Variants in RIT2 observed in about 807,000 individuals in gnomAD.
RIT2 encodes the protein GTP-binding protein Rit2.
A neutral mutation model predicts 23.7 loss-of-function variants in RIT2; 24 were observed. The observed-to-expected ratio is 1.01, with a 90% CI of 0.73 to 1.43. RIT2 has a LOEUF of 1.43. Ranked by LOEUF, RIT2 falls within the 40% of genes most tolerant of loss-of-function variation. The pLI, the probability that RIT2 is intolerant of heterozygous loss-of-function variation, is 0.00. For missense variants in RIT2, 236 were observed against 266.9 expected (o/e 0.88, Z 0.81); for synonymous variants, 107 against 91.1 (o/e 1.17, Z -0.99).
In RIT2 at chr18:42,834,052, C is replaced by T. The variant is rs376634259; in HGVS notation, c.426+89520G>A. Among the ~76,000 whole-genome samples the T allele has an allele frequency of 2.8e-4, 43 of 152,152 alleles. No individual in the cohort carries two copies. The South Asian group carries it at 6.8e-3, about 24-fold the overall frequency. On this transcript the variant is annotated intron_variant, in intron 4 of 4. Transcript: ENST00000326695. ...ACACAGAGGAGTTCAAACAAAGAGA[C>T]GTAAAATAACTTGCCCTCTCCCCAA... is the stretch of plus-strand genomic sequence containing the variant.
At position 42,847,010 on chromosome 18, in the gene RIT2, G is replaced by A. The variant is rs530178006; in HGVS notation, c.426+76562C>T. ...GTGCATTTATGTTTTGCACTTTGCTGTATGTCGGTTACATACGCCTCTTTC... is the reference window on the plus strand; with the variant it reads ...GTGCATTTATGTTTTGCACTTTGCTATATGTCGGTTACATACGCCTCTTTC... On this transcript the variant is annotated intron_variant, in intron 4 of 4. Transcript: ENST00000326695. Among the ~76,000 whole-genome samples the A allele has an allele frequency of 1.7e-4, 26 of 152,176 alleles. No homozygotes were observed. The South Asian group carries it at 5.2e-3, about 30-fold the overall frequency.
chr18:42,971,749 G>A (rs1299760766), intron 3 of RIT2, among the ~76,000 whole-genome samples: 2 of 151,914 alleles, frequency 1.3e-5, no homozygotes, highest in South Asian at 2.1e-4. Context: ...CTCAATCACT[G>A]AGGACAAAGG....
Position 42,888,774 on chromosome 18 carries a change from C to T in RIT2, c.426+34798G>A, listed in dbSNP as rs143090968. 2.7e-3 allele frequency among the ~76,000 whole-genome samples: 411 copies of T among 152,166 alleles called. 2 individuals are homozygous for T. Among genetic ancestry groups the T allele is most frequent in the African/African-American group, 9.0e-3 (374 of 41,520 alleles). The stretch of plus-strand genomic sequence containing the variant: ...GTCTATTGCACCAACATGAATGGAG[C>T]TGGAAGCCACAATCCTAAGTAAATT... On this transcript the variant is annotated intron_variant, in intron 4 of 4. Transcript: ENST00000326695.
intron 4 of RIT2, among the ~76,000 whole-genome samples, chr18:42,887,994 G>C (rs1363339485): frequency 1.3e-5 from 2 of 152,078 alleles, no homozygotes; most frequent in Non-Finnish European, 2.9e-5. Context: ...GTGGCTGCTG[G>C]AAGTTAGAGG....
chr18:43,069,195 T>A (rs1912843206), intron 1 of RIT2, among the ~76,000 whole-genome samples: 1 of 152,100 alleles, frequency 6.6e-6, no homozygotes, highest in African/African-American at 2.4e-5. Context: ...CTCCCTGTGA[T>A]TTTTTGTTGC....
chr18:43,038,462 T>C (rs1419351224), intron 1 of RIT2, among the ~76,000 whole-genome samples: 1 of 152,058 alleles, frequency 6.6e-6, no homozygotes, highest in East Asian at 1.9e-4. Flanking sequence ...ACATGTTAAT[T>C]CTCTTGATTG....
chr18:43,077,936 T>G (rs1355374812), intron 1 of RIT2, among the ~76,000 whole-genome samples: 1 of 152,196 alleles, frequency 6.6e-6, no homozygotes, highest in Non-Finnish European at 1.5e-5. Context: ...TGACTTCTCT[T>G]CCGCTAATTC....
chr18:43,034,788 T>C (rs1911938028), intron 1 of RIT2, among the ~76,000 whole-genome samples: 1 of 152,156 alleles, frequency 6.6e-6, no homozygotes, highest in Admixed American at 6.5e-5. Context: ...TCCCCTGATA[T>C]CTGATCCTCT....
intron 1 of RIT2, among the ~76,000 whole-genome samples, chr18:43,087,223 C>G (rs1176390788): frequency 6.6e-6 from 1 of 151,724 alleles, no homozygotes; most frequent in Non-Finnish European, 1.5e-5. Context: ...GCCTGGGCAA[C>G]AGAGCAAGAC....
intron 3 of RIT2, among the ~76,000 whole-genome samples, chr18:42,930,608 T>A (rs1363787211): frequency 6.6e-6 from 1 of 152,098 alleles, no homozygotes; most frequent in African/African-American, 2.4e-5. Flanking sequence ...ATCTGGTAGT[T>A]GTAATGACAG....
At chr18:42,747,584 C>A (rs1461646891) in intron 4 of RIT2, among the ~76,000 whole-genome samples, 2 of 151,898 alleles carry the variant, frequency 1.3e-5, no homozygotes, top group Non-Finnish European at 2.9e-5. Context: ...GAGCACATAG[C>A]CAAAGAAAGA....
chr18:42,854,701 T>G (rs2144041017), intron 4 of RIT2, among the ~76,000 whole-genome samples: 1 of 152,302 alleles, frequency 6.6e-6, no homozygotes, highest in Admixed American at 6.5e-5. Context: ...TTCTAGAAAA[T>G]ATTTGCTCCA....
At chr18:43,039,735 C>A (rs1912083947) in intron 1 of RIT2, among the ~76,000 whole-genome samples, 1 of 152,070 alleles carries the variant, frequency 6.6e-6, no homozygotes, top group Admixed American at 6.5e-5. Flanking sequence ...GGTACTTTGG[C>A]TCTGCGGAAG....
At chr18:42,862,814 C>T (rs1410378372) in intron 4 of RIT2, among the ~76,000 whole-genome samples, 1 of 152,158 alleles carries the variant, frequency 6.6e-6, no homozygotes, top group Non-Finnish European at 1.5e-5. Context: ...TTTTTCATTG[C>T]AATTCAACTC....
chr18:42,885,023 G>C (rs2144084803), intron 4 of RIT2, among the ~76,000 whole-genome samples: 1 of 152,260 alleles, frequency 6.6e-6, no homozygotes, highest in South Asian at 2.1e-4. Flanking sequence ...CTTGATAGTT[G>C]TTAGGTTACA....
chr18:42,759,576 G>T (rs1913248188), intron 4 of RIT2, among the ~76,000 whole-genome samples: 1 of 151,820 alleles, frequency 6.6e-6, no homozygotes, highest in Admixed American at 6.6e-5. Flanking sequence ...TTAGGAAAGA[G>T]ACTTCCTGGG....
intron 3 of RIT2, among the ~76,000 whole-genome samples, chr18:42,932,980 A>G (rs1909364068): frequency 6.6e-6 from 1 of 152,100 alleles, no homozygotes; most frequent in Non-Finnish European, 1.5e-5. Context: ...TTTTTATTCA[A>G]GGAATTAGGT....
chr18:42,938,918 T>A (rs1909527030), intron 3 of RIT2, among the ~76,000 whole-genome samples: 2 of 152,060 alleles, frequency 1.3e-5, no homozygotes, highest in Admixed American at 1.3e-4. Context: ...TTTCATTTTT[T>A]AATTTTTGAT....
intron 4 of RIT2, among the ~76,000 whole-genome samples, chr18:42,764,356 T>A (rs1913372774): frequency 6.6e-6 from 1 of 152,218 alleles, no homozygotes; most frequent in Non-Finnish European, 1.5e-5. Flanking sequence ...TATCCTTTCC[T>A]CTTGAATCAA....
Sources: allele counts gnomAD v4.1 joint callset (sites outside exome capture counted in the v4.1 genomes callset), GRCh38; gene constraint gnomAD v4.1.1; transcripts MANE v1.5; gene names NCBI Gene and HGNC (gene_info 2026-07-23, HGNC 2026-07-21).